The following MAML2 variants were observed in gnomAD, a reference collection of about 807,000 sequenced individuals.
MAML2 encodes the protein mastermind-like protein 2.
A neutral mutation model predicts 96.1 loss-of-function variants in MAML2; 22 were observed. The ratio of observed to expected loss-of-function variants is 0.23; its 90% CI spans 0.16 to 0.33. The LOEUF is 0.33. Ranked by LOEUF, MAML2 falls within the 10% of genes least tolerant of loss-of-function variation. The probability of loss-of-function intolerance (pLI) is 1.00; values close to 1 mark genes in which losing one functional copy is unlikely to be tolerated. For synonymous variants in MAML2, 561 were observed against 521.3 expected (o/e 1.08, Z -1.04); for missense variants, 1,367 against 1,392.4 (o/e 0.98, Z 0.29).
chr11:96,196,273 C>G (rs996664715), intron 1 of MAML2, among the ~76,000 whole-genome samples: 1 of 151,580 alleles, frequency 6.6e-6, no homozygotes, highest in Non-Finnish European at 1.5e-5. Flanking sequence ...ATAGTTCATC[C>G]CAGTTGCTTC....
At chr11:96,100,482 G>A (rs1859907807) in intron 1 of MAML2, among the ~76,000 whole-genome samples, 1 of 151,692 alleles carries the variant, frequency 6.6e-6, no homozygotes, top group African/African-American at 2.4e-5. Context: ...GCTAATTTTT[G>A]TATTTTTAGT....
chr11:96,029,415 G>T lies in MAML2; in HGVS notation c.2140-37692C>A, dbSNP rs575729414. 1.1e-4 allele frequency among the ~76,000 whole-genome samples: 17 copies of T among 152,118 alleles called. No individual in the cohort carries two copies. The South Asian group carries it at 3.1e-3, about 28-fold the overall frequency. On this transcript the variant is annotated intron_variant, in intron 2 of 4. Coordinates refer to ENST00000524717, the MANE Select transcript of MAML2 (RefSeq NM_032427.4). ...TTTGTCTTCCAAGGACAATATCCAG[G>T]TTTCTAGTTGTTTGCCGTCTCAAAG...
intron 1 of MAML2, among the ~76,000 whole-genome samples, chr11:96,226,231 A>G (rs1415559169): frequency 6.6e-6 from 1 of 152,220 alleles, no homozygotes; most frequent in Non-Finnish European, 1.5e-5. Flanking sequence ...ATTTGGGTGG[A>G]ATTCAAGAAA....
chr11:96,221,024 G>A (rs953254687), intron 1 of MAML2, among the ~76,000 whole-genome samples: 5 of 152,162 alleles, frequency 3.3e-5, no homozygotes, highest in Admixed American at 2.6e-4. Flanking sequence ...TAATGAGAAA[G>A]TATTTATTCA....
chr11:96,133,038 A>T (rs1307538108), intron 1 of MAML2, among the ~76,000 whole-genome samples: 1 of 152,236 alleles, frequency 6.6e-6, no homozygotes, highest in African/African-American at 2.4e-5. Flanking sequence ...TCAATAATAT[A>T]TAGTGAGTGC....
intron 1 of MAML2, among the ~76,000 whole-genome samples, chr11:96,193,571 A>G (rs1861687865): frequency 6.6e-6 from 1 of 152,228 alleles, no homozygotes; most frequent in Non-Finnish European, 1.5e-5. Flanking sequence ...CAGTAATAAA[A>G]CAGTGAATTC....
At chr11:96,281,550 C>A (rs73531113) in intron 1 of MAML2, among the ~76,000 whole-genome samples, 9,752 of 151,970 alleles carry the variant, frequency 0.064, 361 homozygotes, top group African/African-American at 0.084. Flanking sequence ...GTTTTTTTCC[C>A]TGTTTGTCAG....
intron 1 of MAML2, among the ~76,000 whole-genome samples, chr11:96,184,550 T>C (rs1379851469): frequency 6.6e-6 from 1 of 151,868 alleles, no homozygotes; most frequent in Non-Finnish European, 1.5e-5. Flanking sequence ...ATTATTCAAA[T>C]TCCAAATGGA....
chr11:96,223,276 C>G (rs2135948455), intron 1 of MAML2, among the ~76,000 whole-genome samples: 1 of 152,118 alleles, frequency 6.6e-6, no homozygotes, highest in East Asian at 1.9e-4. Flanking sequence ...CATCACCAAC[C>G]CCACAACAGA....
rs1044362822 is a variant in MAML2, at chr11:96,079,522, A to G, written c.2139+12370T>C. Among the ~76,000 whole-genome samples the G allele has an allele frequency of 3.3e-5, 5 of 152,046 alleles. No individual in the cohort carries two copies. The South Asian group carries it at 8.3e-4, about 25-fold the overall frequency. On this transcript the variant is annotated intron_variant, in intron 2 of 4. Coordinates refer to ENST00000524717, the MANE Select transcript of MAML2 (RefSeq NM_032427.4). ...TTAACCTTAAGCAAATTACTAAGCC[A>G]CTCCACTCTCAACCTCTTCATCTGC... is the stretch of plus-strand genomic sequence containing the variant.
At chr11:96,155,836 T>C (rs558762901) in intron 1 of MAML2, among the ~76,000 whole-genome samples, 6 of 152,146 alleles carry the variant, frequency 3.9e-5, no homozygotes, top group African/African-American at 1.2e-4. Context: ...GCCTGAATAA[T>C]GGCTGTCGCC....
chr11:95,983,560 C>T (rs12419054), intron 4 of MAML2, among the ~76,000 whole-genome samples: 9,998 of 152,196 alleles, frequency 0.066, 460 homozygotes, highest in East Asian at 0.16. Context: ...GGATTTTGAA[C>T]GTTCCCAACA....
intron 1 of MAML2, among the ~76,000 whole-genome samples, chr11:96,205,195 C>A (rs978674461): frequency 8.5e-5 from 13 of 152,164 alleles, no homozygotes; most frequent in African/African-American, 3.1e-4. Context: ...CTGTAGTGAC[C>A]TAATTGTTGC....
At chr11:96,071,253 A>G (rs1037212884) in intron 2 of MAML2, among the ~76,000 whole-genome samples, 1 of 152,294 alleles carries the variant, frequency 6.6e-6, no homozygotes, top group Non-Finnish European at 1.5e-5. Context: ...TGCTTCAGCT[A>G]TAAGACCACA....
rs1188867539 is a variant in MAML2, at chr11:95,979,797, A to G, written c.2622T>C (p.Pro874=). ...CACTGTATGTGTTAGGTTGATTACA[A>G]GGCAGATTTCCATACATCCCCATAT... ...VQNMGMYGNL[P]CNQPNTYSVT... The change falls in exon 5 of 5, where the codon CCT becomes CCC. Residue 874 remains proline, a synonymous_variant. Coordinates refer to ENST00000524717, the MANE Select transcript of MAML2 (RefSeq NM_032427.4). 4 of 1,613,974 alleles carry G rather than the reference A, an allele frequency of 2.5e-6. No individual in the cohort carries two copies. In the Admixed American group the frequency reaches 6.7e-5, roughly 27 times the overall value.
chr11:96,237,213 T>C (rs985963114), intron 1 of MAML2, among the ~76,000 whole-genome samples: 9 of 152,222 alleles, frequency 5.9e-5, no homozygotes, highest in Non-Finnish European at 4.4e-5. Context: ...CCAGTCAGTA[T>C]TCTTCTCATC....
chr11:96,004,321 A>T (rs1020130247), intron 2 of MAML2, among the ~76,000 whole-genome samples: 7 of 152,198 alleles, frequency 4.6e-5, no homozygotes, highest in Non-Finnish European at 1.0e-4. Flanking sequence ...AATCACTTTT[A>T]AAGGGTTAGT....
intron 1 of MAML2, among the ~76,000 whole-genome samples, chr11:96,163,215 A>C (rs780947397): frequency 6.6e-5 from 10 of 152,072 alleles, no homozygotes; most frequent in Non-Finnish European, 1.0e-4. Context: ...CTTCAAGAAA[A>C]AGTTGGCAGT....
chr11:96,060,033 T>C (rs978634827), intron 2 of MAML2, among the ~76,000 whole-genome samples: 2 of 152,176 alleles, frequency 1.3e-5, no homozygotes, highest in African/African-American at 4.8e-5. Context: ...CTAGTGGGTC[T>C]AGTTGGTTGA....
Sources: allele counts gnomAD v4.1 joint callset (sites outside exome capture counted in the v4.1 genomes callset), GRCh38; gene constraint gnomAD v4.1.1; transcripts MANE v1.5; gene names NCBI Gene and HGNC (gene_info 2026-07-23, HGNC 2026-07-21).